Variants in DPP6 observed in about 807,000 individuals in gnomAD.
The protein encoded by DPP6 is A-type potassium channel modulatory protein DPP6.
DPP6 carries 69 observed loss-of-function variants against 122.6 expected under a neutral mutation model. The observed-to-expected ratio is 0.56, with a 90% confidence interval of 0.46 to 0.69. The LOEUF (loss-of-function observed/expected upper bound fraction) is 0.69. Among genes scored for constraint, DPP6 ranks in the 30% least tolerant of loss-of-function variants. DPP6 has a pLI of 0.00. For missense variants in DPP6, 928 were observed against 1,116.9 expected (o/e 0.83, Z 2.41); for synonymous variants, 418 against 433.1 (o/e 0.97, Z 0.43).
At chr7:154,438,516 A>G (rs904736945) in intron 1 of DPP6, among the ~76,000 whole-genome samples, 17 of 150,538 alleles carry the variant, frequency 1.1e-4, no homozygotes, top group African/African-American at 4.1e-4. Context: ...AAAAAGAAAT[A>G]TCTCCTAAAG....
rs574119116 is a variant in DPP6 at position 154,875,789 on chromosome 7, G to A, written c.1884-117G>A. On this transcript the variant is annotated intron_variant, in intron 19 of 25. Coordinates refer to ENST00000377770, the MANE Select transcript of DPP6 (RefSeq NM_130797.4). This position sits in a 1 kb window ranked among gnomAD's most constrained non-coding sequence, Gnocchi z 4.5. ...CAGAATCTGGGGTATGGAGTTGAGC[G>A]TGTGGCAGCCGGGTCACGGGTAAAA... 36 of 1,407,546 alleles carry A rather than the reference G, an allele frequency of 2.6e-5. No individual in the cohort carries two copies. The highest frequency in any genetic ancestry group is 3.0e-5 in the Non-Finnish European group (32 of 1,050,916). The allele number at this position is 1,407,546 out of a possible 1,614,324, so 87.2% of individuals were successfully genotyped here.
rs143944650 is a variant in DPP6 at position 154,324,867 on chromosome 7, A to ATT, written c.244-121332_244-121331dup. 2.7e-3 allele frequency among the ~76,000 whole-genome samples: 303 copies of ATT among 113,054 alleles called. 10 individuals carry two copies. The highest frequency in any genetic ancestry group is 8.0e-3 in the African/African-American group (236 of 29,584). The allele number at this position is 113,054 out of a possible 152,430, so 74.2% of individuals were successfully genotyped here. ...TCTTTCTTTCTTCTTTCCTTTTGTT[A>ATT]TTTTTTTTTTTTTTTTGAGTCTTGC... On this transcript the variant is annotated intron_variant, in intron 1 of 25. Coordinates refer to ENST00000377770, the MANE Select transcript of DPP6 (RefSeq NM_130797.4).
chr7:154,447,578 A>G (rs1297021503), intron 2 of DPP6, among the ~76,000 whole-genome samples: 1 of 152,192 alleles, frequency 6.6e-6, no homozygotes, highest in African/African-American at 2.4e-5. Context: ...TCTAAATGAG[A>G]AAAGGACGAT....
At chr7:153,993,008 G>T (rs1330394967) in intron 1 of DPP6, among the ~76,000 whole-genome samples, 1 of 151,812 alleles carries the variant, frequency 6.6e-6, no homozygotes, top group Non-Finnish European at 1.5e-5. Flanking sequence ...CGGTATACTT[G>T]GTAATTCTAT....
chr7:154,831,467 G>A (rs1166271950), intron 16 of DPP6, among the ~76,000 whole-genome samples: 1 of 152,210 alleles, frequency 6.6e-6, no homozygotes, highest in Non-Finnish European at 1.5e-5. Context: ...CTGAAAGGAT[G>A]TTGATTCTTC....
At chr7:154,643,037 G>A (rs1836208745) in intron 6 of DPP6, among the ~76,000 whole-genome samples, 1 of 152,126 alleles carries the variant, frequency 6.6e-6, no homozygotes, top group Non-Finnish European at 1.5e-5. Flanking sequence ...TCAGACTTTA[G>A]TTTCTAGCCA....
intron 6 of DPP6, among the ~76,000 whole-genome samples, chr7:154,646,007 G>A (rs944782249): frequency 4.4e-5 from 5 of 112,360 alleles, no homozygotes; most frequent in East Asian, 6.2e-4. Context: ...CAGCTCGGGC[G>A]GCAGAGTGAG....
chr7:154,803,151 C>T (rs1217605244), intron 13 of DPP6, among the ~76,000 whole-genome samples: 1 of 152,182 alleles, frequency 6.6e-6, no homozygotes, highest in African/African-American at 2.4e-5. Flanking sequence ...TGCCTTGGGC[C>T]CTCCACCTAG....
At chr7:154,654,522 G>T (rs527489476) in intron 6 of DPP6, among the ~76,000 whole-genome samples, 1 of 151,616 alleles carries the variant, frequency 6.6e-6, no homozygotes, top group African/African-American at 2.4e-5. Flanking sequence ...AGGTTCAGGC[G>T]ATTCTCCTGC....
chr7:154,274,510 C>T (rs770891044), intron 1 of DPP6, among the ~76,000 whole-genome samples: 6 of 152,286 alleles, frequency 3.9e-5, no homozygotes, highest in East Asian at 1.9e-4. Flanking sequence ...AACACGCTGA[C>T]GAGGTGAGTC....
intron 5 of DPP6, among the ~76,000 whole-genome samples, chr7:154,584,495 C>A: frequency 6.6e-6 from 1 of 152,220 alleles, no homozygotes; most frequent in Non-Finnish European, 1.5e-5. Context: ...AATAGAGCCT[C>A]GAGAAATATC....
chr7:154,623,643 G>C (rs201387703), intron 5 of DPP6, among the ~76,000 whole-genome samples: 1 of 59,670 alleles, frequency 1.7e-5, no homozygotes, highest in African/African-American at 5.7e-5. Flanking sequence ...GTGCACACAC[G>C]CGCACACACG....
At chr7:154,075,437 A>C (rs1803485819) in intron 1 of DPP6, among the ~76,000 whole-genome samples, 1 of 152,124 alleles carries the variant, frequency 6.6e-6, no homozygotes, top group East Asian at 1.9e-4. Context: ...GTAGAGAAAG[A>C]AAATGTGGTA....
intron 5 of DPP6, among the ~76,000 whole-genome samples, chr7:154,615,240 G>A (rs148522952): frequency 2.0e-3 from 310 of 152,160 alleles, no homozygotes; most frequent in African/African-American, 7.2e-3. Context: ...TTATCCTAAC[G>A]AGCCTCTTTG....
chr7:154,174,874 C>CTTTT (rs147664898), intron 1 of DPP6, among the ~76,000 whole-genome samples: 33 of 142,628 alleles, frequency 2.3e-4, no homozygotes, highest in Middle Eastern at 3.7e-3. Context: ...TTCTTTCTTT[C>CTTTT]TTTCTTTTTT....
intron 16 of DPP6, among the ~76,000 whole-genome samples, chr7:154,852,088 C>T (rs956115397): frequency 6.6e-6 from 1 of 152,172 alleles, no homozygotes; most frequent in Non-Finnish European, 1.5e-5. Flanking sequence ...GCTCTTTGGG[C>T]CCTGGACTAG....
the DPP6 span, among the ~76,000 whole-genome samples, chr7:153,868,331 C>T: frequency 0.13 from 20,125 of 152,008 alleles, 1,437 homozygotes; most frequent in Middle Eastern, 0.19. Flanking sequence ...ATTTCAGAGC[C>T]TGTTATTGGT....
At chr7:153,760,363 C>CAGAAAAATAGTACCAG in the DPP6 span, among the ~76,000 whole-genome samples, 1 of 152,178 alleles carries the variant, frequency 6.6e-6, no homozygotes, top group Admixed American at 6.5e-5. Flanking sequence ...AAAGTTGCAG[C>CAGAAAAATAGTACCAG]AGCTCTGGGT....
intron 1 of DPP6, among the ~76,000 whole-genome samples, chr7:153,923,060 T>C (rs2129009372): frequency 6.6e-6 from 1 of 152,316 alleles, no homozygotes; most frequent in African/African-American, 2.4e-5. Flanking sequence ...AATGCAATGC[T>C]TGGACCTTCA....
Sources: gnomAD v4.1 joint callset for allele counts (sites outside exome capture counted in the v4.1 genomes callset) on GRCh38, gnomAD v4.1.1 for gene constraint, Gnocchi (gnomAD v3.1) non-coding constraint, MANE v1.5 for transcripts, NCBI Gene and HGNC (gene_info 2026-07-23, HGNC 2026-07-21) for gene names.